Variants in GRIK2 observed in about 807,000 individuals in gnomAD.
The protein encoded by GRIK2 is glutamate receptor ionotropic, kainate 2.
A neutral mutation model predicts 100.3 loss-of-function variants in GRIK2; 32 were observed. The ratio of observed to expected loss-of-function variants is 0.32; its 90% CI spans 0.24 to 0.43. The LOEUF is 0.43. GRIK2 is among the 20% of genes least tolerant of loss of function. The pLI, the probability that GRIK2 is intolerant of heterozygous loss-of-function variation, is 1.00. For missense variants in GRIK2, 843 were observed against 1,114.9 expected, an observed-to-expected ratio of 0.76 and a Z score of 3.47; for synonymous variants, 417 against 389.4, an observed-to-expected ratio of 1.07 and a Z score of -0.83.
chr6:101,651,641 CAGA>C (rs1453391326), intron 4 of GRIK2, among the ~76,000 whole-genome samples: 3 of 152,172 alleles, frequency 2.0e-5, no homozygotes, highest in Admixed American at 2.0e-4. Flanking sequence ...TGTGGATAAA[CAGA>C]AGAACATTCC....
chr6:101,850,396 G>T (rs1218235633), intron 10 of GRIK2, among the ~76,000 whole-genome samples: 2 of 151,700 alleles, frequency 1.3e-5, no homozygotes, highest in African/African-American at 4.8e-5. Context: ...AATAGCAGGG[G>T]ATATTTTATA....
chr6:101,912,093 CACACACAAACACACACACAG>C (rs879536933), intron 12 of GRIK2, among the ~76,000 whole-genome samples: 15,265 of 45,834 alleles, frequency 0.33, 1,402 homozygotes, highest in African/African-American at 0.45. Context: ...CACAAACACA[CACACACAAACACACACACAG>C]AGACCGAGAG....
intron 15 of GRIK2, among the ~76,000 whole-genome samples, chr6:102,052,587 T>A (rs1440406420): frequency 6.6e-6 from 1 of 152,176 alleles, no homozygotes; most frequent in Non-Finnish European, 1.5e-5. Flanking sequence ...GAATATAGTG[T>A]TTGAAGATAC....
chr6:101,554,665 G>C (rs547552120), intron 2 of GRIK2, among the ~76,000 whole-genome samples: 1 of 152,110 alleles, frequency 6.6e-6, no homozygotes, highest in African/African-American at 2.4e-5. Context: ...GGGACTTTAT[G>C]ACACTATTCT....
At chr6:101,969,607 C>T (rs946821321) in intron 14 of GRIK2, among the ~76,000 whole-genome samples, 12 of 151,858 alleles carry the variant, frequency 7.9e-5, no homozygotes, top group African/African-American at 1.2e-4. Flanking sequence ...GGATAATTTC[C>T]GAACTGATAG....
In GRIK2 at chr6:101,488,716, G is replaced by T. The variant is rs374097893; in HGVS notation, c.115+89324G>T. On this transcript the variant is annotated intron_variant, in intron 2 of 16. Coordinates refer to ENST00000369134, the MANE Select transcript of GRIK2 (RefSeq NM_021956.5). ...ATTGTATCTAAATTATTTTATTTAG[G>T]TTCTCATATTCACAAATAAACACTT... is the stretch of plus-strand genomic sequence containing the variant. 4.8e-5 allele frequency among the ~76,000 whole-genome samples: 7 copies of T among 145,918 alleles called. No homozygotes were observed. In the East Asian group the frequency reaches 9.8e-4, roughly 20 times the overall value.
chr6:101,841,465 G>A (rs1783496583), intron 10 of GRIK2, among the ~76,000 whole-genome samples: 1 of 151,788 alleles, frequency 6.6e-6, no homozygotes, highest in South Asian at 2.1e-4. Flanking sequence ...CCAGGTTCAA[G>A]CTACTCTCTT....
At chr6:101,797,526 G>C (rs895155646) in intron 7 of GRIK2, among the ~76,000 whole-genome samples, 3 of 149,412 alleles carry the variant, frequency 2.0e-5, no homozygotes, top group African/African-American at 7.3e-5. Context: ...CCATATATAA[G>C]TATACATGCA....
chr6:101,844,617 A>C (rs1315655591), intron 10 of GRIK2, among the ~76,000 whole-genome samples: 1 of 152,238 alleles, frequency 6.6e-6, no homozygotes, highest in Non-Finnish European at 1.5e-5. Flanking sequence ...TTAACATAGC[A>C]TACATTTTCC....
chr6:101,803,536 C>A (rs572105412), intron 9 of GRIK2, among the ~76,000 whole-genome samples: 1 of 151,714 alleles, frequency 6.6e-6, no homozygotes, highest in Non-Finnish European at 1.5e-5. Context: ...TGAGACAGTC[C>A]CTTCCTAACT....
At chr6:101,529,599 T>G (rs888236437) in intron 2 of GRIK2, among the ~76,000 whole-genome samples, 1 of 152,126 alleles carries the variant, frequency 6.6e-6, no homozygotes, top group Admixed American at 6.6e-5. Context: ...AACCATTTAT[T>G]CTACAAACAA....
At chr6:102,024,576 C>CT (rs1391955593) in intron 14 of GRIK2, among the ~76,000 whole-genome samples, 1 of 151,042 alleles carries the variant, frequency 6.6e-6, no homozygotes, top group African/African-American at 2.4e-5. Context: ...GGTTTTGTAC[C>CT]TTCGCTTCCT....
chr6:101,537,000 TA>T (rs1257276159), intron 2 of GRIK2, among the ~76,000 whole-genome samples: 2 of 132,896 alleles, frequency 1.5e-5, no homozygotes, highest in African/African-American at 5.8e-5. Flanking sequence ...TGGTTTCTTG[TA>T]GAAATGGTCA....
At chr6:101,765,546 G>T (rs1777996232) in intron 7 of GRIK2, among the ~76,000 whole-genome samples, 1 of 152,036 alleles carries the variant, frequency 6.6e-6, no homozygotes, top group Non-Finnish European at 1.5e-5. Context: ...TTCAGCTTTG[G>T]AGACTGCATT....
intron 10 of GRIK2, among the ~76,000 whole-genome samples, chr6:101,852,624 A>G (rs2081127817): frequency 6.6e-6 from 1 of 152,168 alleles, no homozygotes; most frequent in Non-Finnish European, 1.5e-5. Flanking sequence ...AGTCTAGTTC[A>G]GAAGGCTTAC....
intron 12 of GRIK2, among the ~76,000 whole-genome samples, chr6:101,912,701 A>G (rs975312442): frequency 6.6e-6 from 1 of 151,624 alleles, no homozygotes; most frequent in Non-Finnish European, 1.5e-5. Context: ...TCATTAAAAA[A>G]TACCTTGTTC....
At chr6:101,954,042 T>A (rs1316372927) in intron 14 of GRIK2, among the ~76,000 whole-genome samples, 2 of 152,144 alleles carry the variant, frequency 1.3e-5, no homozygotes, top group African/African-American at 4.8e-5. Context: ...TTTGGTACTC[T>A]AGTAAAACAA....
At chr6:101,571,246 T>C (rs1259384583) in intron 2 of GRIK2, among the ~76,000 whole-genome samples, 5 of 152,174 alleles carry the variant, frequency 3.3e-5, no homozygotes, top group Admixed American at 2.0e-4. Flanking sequence ...CGTGCCATGA[T>C]GGTTTGCTGC....
chr6:101,941,409 G>T (rs2128475666), intron 14 of GRIK2, among the ~76,000 whole-genome samples: 1 of 152,044 alleles, frequency 6.6e-6, no homozygotes, highest in Admixed American at 6.6e-5. Context: ...TGGAAAAGTT[G>T]TTTGTCACAT....
Sources: allele counts gnomAD v4.1 joint callset (sites outside exome capture counted in the v4.1 genomes callset), GRCh38; gene constraint gnomAD v4.1.1; transcripts MANE v1.5; gene names NCBI Gene and HGNC (gene_info 2026-07-23, HGNC 2026-07-21).